Variants in GTF2IRD1 observed in about 807,000 individuals in gnomAD.
GTF2IRD1 encodes GTF2I repeat domain containing 1.
In GTF2IRD1, 26 loss-of-function variants were observed where a neutral mutation model predicts 113.2. The ratio of observed to expected loss-of-function variants is 0.23; its 90% confidence interval spans 0.17 to 0.32. The LOEUF (loss-of-function observed/expected upper bound fraction) is 0.32, where lower values mean the gene tolerates loss of function less well. Among genes scored for constraint, GTF2IRD1 ranks in the 10% least tolerant of loss-of-function variants. GTF2IRD1 has a pLI of 1.00. For missense variants in GTF2IRD1, 864 were observed against 1,280.8 expected, an observed-to-expected ratio of 0.67 and a Z score of 4.97; for synonymous variants, 484 against 529.1, an observed-to-expected ratio of 0.91 and a Z score of 1.17.
intron 22 of GTF2IRD1, among the ~76,000 whole-genome samples, chr7:74,586,973 C>A (rs1339925328): frequency 6.6e-6 from 1 of 152,086 alleles, no homozygotes; most frequent in Non-Finnish European, 1.5e-5. Flanking sequence ...GAGAGAGACT[C>A]TCTCTACAAA....
chr7:74,538,388 G>T (rs1185613787), intron 12 of GTF2IRD1, among the ~76,000 whole-genome samples: 1 of 152,200 alleles, frequency 6.6e-6, no homozygotes, highest in Non-Finnish European at 1.5e-5. Flanking sequence ...CTGGGTGCTG[G>T]CATCACCACT....
At position 74,601,191 on chromosome 7, in the gene GTF2IRD1, A is replaced by C. The variant is rs1252776005; in HGVS notation, c.2766+11A>C. ...CAGATCTCACTCGTGGTAAAGTTGC[A>C]CCGATTTGGACTCCGGCACTCATCT... On this transcript the variant is annotated intron_variant, in intron 26 of 26. Transcript: ENST00000424337. 6.4e-7 allele frequency: 1 copy of C among 1,567,242 alleles called. No homozygotes were observed. Among genetic ancestry groups the C allele is most frequent in the African/African-American group, 1.4e-5 (1 of 73,692 alleles).
rs1400692695 is a variant in GTF2IRD1 at position 74,521,271 on chromosome 7, T to A, written c.980T>A (p.Leu327His). ...AACGTCCATGCCTCCAAGCGCATTC[T>A]CTTCTCCATCGTCCATGACAAGTCA... ...IQNVHASKRI[L>H]FSIVHDKSEK... Residue 327 changes from leucine (L) to histidine (H), a missense_variant, in exon 7 of 27, where the codon CTC (leucine) becomes CAC (histidine). Transcript: ENST00000424337. 1 of 1,611,012 alleles carries A rather than the reference T, an allele frequency of 6.2e-7. No individual in the cohort carries two copies. Among genetic ancestry groups the A allele is most frequent in the Non-Finnish European group, 8.5e-7 (1 of 1,177,532 alleles).
chr7:74,512,660 C>T lies in GTF2IRD1; in HGVS notation c.124-170C>T, dbSNP rs1187913265. On this transcript the variant is annotated intron_variant, in intron 2 of 26. Coordinates refer to ENST00000424337, the MANE Select transcript of GTF2IRD1 (RefSeq NM_005685.4). This position sits in a 1 kb window ranked among gnomAD's most constrained non-coding sequence, Gnocchi z 4.4. The stretch of plus-strand genomic sequence containing the variant: ...CCAATGCCTGCAGGGCCATTTCATT[C>T]AGTCCCACTACAGAATCTGAGACCA... 6.6e-6 allele frequency among the ~76,000 whole-genome samples: 1 copy of T among 152,226 alleles called. No homozygotes were observed. The highest frequency in any genetic ancestry group is 2.4e-5 in the African/African-American group (1 of 41,456).
chr7:74,505,409 C>T (rs903632679), intron 1 of GTF2IRD1, among the ~76,000 whole-genome samples: 26 of 152,192 alleles, frequency 1.7e-4, no homozygotes, highest in Non-Finnish European at 3.1e-4. Flanking sequence ...AGTGCACCCA[C>T]CTGGGCTGTG....
intron 22 of GTF2IRD1, among the ~76,000 whole-genome samples, chr7:74,579,561 T>C (rs1801286751): frequency 6.7e-6 from 1 of 149,984 alleles, no homozygotes; most frequent in South Asian, 2.1e-4. Flanking sequence ...GAGGTTGCAG[T>C]GAGCCCAGAT....
intron 1 of GTF2IRD1, among the ~76,000 whole-genome samples, chr7:74,486,366 C>A (rs1428103087): frequency 6.6e-6 from 1 of 152,160 alleles, no homozygotes; most frequent in African/African-American, 2.4e-5. Flanking sequence ...ATCTGAGGGG[C>A]CTGCGCCATC....
intron 21 of GTF2IRD1, 94 bp downstream of exon 21, chr7:74,559,138 T>TC: frequency 2.5e-6 from 3 of 1,178,656 alleles, no homozygotes; most frequent in South Asian, 1.5e-5. Flanking sequence ...GGTCCTGCCC[T>TC]CCCCCCTGGA....
intron 1 of GTF2IRD1, among the ~76,000 whole-genome samples, chr7:74,491,311 CTTTTTT>C (rs1178298791): frequency 2.1e-5 from 2 of 95,692 alleles, no homozygotes; most frequent in African/African-American, 4.0e-5. Context: ...AAAAAAAATT[CTTTTTT>C]TTTTTTTTTT....
intron 1 of GTF2IRD1, among the ~76,000 whole-genome samples, chr7:74,460,804 A>G (rs781924238): frequency 1.3e-5 from 2 of 152,162 alleles, no homozygotes; most frequent in Non-Finnish European, 2.9e-5. Flanking sequence ...AGTGCTGGGA[A>G]AGTGTCTGCA....
intron 14 of GTF2IRD1, among the ~76,000 whole-genome samples, chr7:74,541,819 T>A (rs1554351755): frequency 6.6e-6 from 1 of 152,050 alleles, no homozygotes; most frequent in African/African-American, 2.4e-5. Context: ...GAGAATCACT[T>A]GAACCCAGGA....
intron 1 of GTF2IRD1, among the ~76,000 whole-genome samples, chr7:74,495,676 G>A (rs1200690021): frequency 6.6e-6 from 1 of 152,108 alleles, no homozygotes; most frequent in Non-Finnish European, 1.5e-5. Context: ...CCCAACCGAG[G>A]GGCACAACAG....
intron 1 of GTF2IRD1, among the ~76,000 whole-genome samples, chr7:74,475,388 C>A (rs1473001679): frequency 1.3e-5 from 2 of 152,168 alleles, no homozygotes; most frequent in African/African-American, 4.8e-5. Flanking sequence ...GGTACTGGGG[C>A]CCAGAGAGGG....
chr7:74,593,159 C>G (rs1396597948), intron 24 of GTF2IRD1, among the ~76,000 whole-genome samples: 1 of 151,714 alleles, frequency 6.6e-6, no homozygotes, highest in Non-Finnish European at 1.5e-5. Context: ...GCCTGGCCTA[C>G]ATGTTTTTTT....
chr7:74,593,301 C>T (rs587665315), intron 24 of GTF2IRD1, among the ~76,000 whole-genome samples: 2 of 149,202 alleles, frequency 1.3e-5, no homozygotes, highest in South Asian at 2.2e-4. Flanking sequence ...AACGGCCAGG[C>T]GTGGTGGCTC....
chr7:74,571,942 CA>C (rs1800718838), intron 22 of GTF2IRD1, among the ~76,000 whole-genome samples: 2 of 152,186 alleles, frequency 1.3e-5, no homozygotes, highest in African/African-American at 4.8e-5. Flanking sequence ...GTTTGAGGCC[CA>C]TTTTGAGAAG....
intron 9 of GTF2IRD1, among the ~76,000 whole-genome samples, chr7:74,533,672 C>T (rs1457415228): frequency 1.3e-5 from 2 of 152,156 alleles, no homozygotes; most frequent in African/African-American, 2.4e-5. Context: ...GTCTCTCCTG[C>T]TTCCCTCCCT....
At chr7:74,583,329 C>T (rs1387953573) in intron 22 of GTF2IRD1, among the ~76,000 whole-genome samples, 2 of 151,468 alleles carry the variant, frequency 1.3e-5, no homozygotes, top group Non-Finnish European at 2.9e-5. Flanking sequence ...TCTGGGATTA[C>T]AGGCACACAC....
chr7:74,505,561 G>A (rs1796256295), intron 1 of GTF2IRD1, among the ~76,000 whole-genome samples: 1 of 152,244 alleles, frequency 6.6e-6, no homozygotes, highest in Admixed American at 6.5e-5. Flanking sequence ...GCCTTTACCG[G>A]AAGGAGCCGG....
Sources: allele counts gnomAD v4.1 joint callset (sites outside exome capture counted in the v4.1 genomes callset), GRCh38; gene constraint gnomAD v4.1.1; non-coding constraint Gnocchi (gnomAD v3.1); transcripts MANE v1.5; gene names NCBI Gene and HGNC (gene_info 2026-07-23, HGNC 2026-07-21).